PHYHD1: variants seen among roughly 807,000 people sequenced by gnomAD.
PHYHD1 encodes phytanoyl-CoA dioxygenase domain containing 1.
PHYHD1 carries 42 observed loss-of-function variants against 43.6 expected under a neutral mutation model. That is an observed-to-expected ratio of 0.96 (90% confidence interval 0.75 to 1.25). The LOEUF (loss-of-function observed/expected upper bound fraction) is 1.25. Ranked by LOEUF, PHYHD1 falls within the 50% of genes most tolerant of loss-of-function variation. PHYHD1 has a pLI of 0.00. For missense variants in PHYHD1, 342 were observed against 370.8 expected (o/e 0.92, Z 0.64); for synonymous variants, 139 against 143.6 (o/e 0.97, Z 0.23).
chr9:128,922,277 C>T lies in PHYHD1; in HGVS notation c.-41-6C>T, dbSNP rs530612597. ...CCAGGCTCCTAAACTTTCTCCTCCCCACCAGGAGGCCGCGCTTAGAAGCCG... is the reference window on the plus strand; with the variant it reads ...CCAGGCTCCTAAACTTTCTCCTCCCTACCAGGAGGCCGCGCTTAGAAGCCG... On this transcript the variant is annotated splice_region_variant and splice_polypyrimidine_tract_variant and intron_variant, in intron 2 of 12. Transcript: ENST00000372592. 219 of 1,549,228 alleles carry T rather than the reference C, an allele frequency of 1.4e-4. 2 individuals are homozygous for T. The African/African-American group carries it at 1.7e-3, about 12-fold the overall frequency.
At position 128,922,060 on chromosome 9, in the gene PHYHD1, G is replaced by A. The variant is rs985253301; in HGVS notation, c.-42+13G>A. 55 of 507,402 alleles carry A rather than the reference G, an allele frequency of 1.1e-4. No individual in the cohort carries two copies. Among genetic ancestry groups the A allele is most frequent in the African/African-American group, 9.7e-4 (49 of 50,636 alleles). The allele number at this position is 507,402 out of a possible 1,614,324, so 31.4% of individuals were successfully genotyped here. ...TTCCCGGCACCTGGTAAGCAGTGGT[G>A]GGGGGTGGTTTCCAGAAGAAACACA... On this transcript the variant is annotated intron_variant, in intron 2 of 12. Coordinates refer to ENST00000372592, the MANE Select transcript of PHYHD1 (RefSeq NM_001100876.2).
chr9:128,937,859 A>G (rs1025668902), intron 9 of PHYHD1, 81 bp downstream of exon 9: 16 of 1,607,942 alleles, frequency 1.0e-5, no homozygotes, highest in Non-Finnish European at 1.4e-5. Context: ...CTTCAGAAGG[A>G]GGGAAAGCGC....
At chr9:128,924,161 A>C (rs573895019) in intron 3 of PHYHD1, among the ~76,000 whole-genome samples, 59 of 152,262 alleles carry the variant, frequency 3.9e-4, no homozygotes, top group African/African-American at 1.4e-3. Flanking sequence ...TCATGCCTGT[A>C]ATCCTAGCAC....
At chr9:128,937,852 CAGA>C in intron 9 of PHYHD1, 74 bp downstream of exon 9, 1 of 1,610,946 alleles carries the variant, frequency 6.2e-7, no homozygotes, top group Non-Finnish European at 8.5e-7. Flanking sequence ...CTCAGATCTT[CAGA>C]AGGAGGGAAA....
chr9:128,934,977 C>G (rs1841390513), intron 6 of PHYHD1, among the ~76,000 whole-genome samples: 1 of 152,084 alleles, frequency 6.6e-6, no homozygotes, highest in African/African-American at 2.4e-5. Flanking sequence ...GGGGGAGCTC[C>G]TGGGTCCAGT....
intron 4 of PHYHD1, 132 bp from the exon 5 acceptor site, chr9:128,933,650 C>G (rs1486563643): frequency 1.1e-6 from 1 of 943,002 alleles, no homozygotes; most frequent in Non-Finnish European, 1.7e-6. Context: ...CCTCAGTGGA[C>G]AAGTCTGAGA....
At chr9:128,929,504 C>A (rs1564539567) in intron 4 of PHYHD1, among the ~76,000 whole-genome samples, 1 of 150,806 alleles carries the variant, frequency 6.6e-6, no homozygotes, top group South Asian at 2.1e-4. Context: ...GAAACCCGGT[C>A]TCTACCAAAA....
intron 3 of PHYHD1, among the ~76,000 whole-genome samples, chr9:128,923,980 G>T (rs533733861): frequency 5.3e-4 from 80 of 152,176 alleles, no homozygotes; most frequent in Non-Finnish European, 1.1e-3. Context: ...TTAGCTGGGC[G>T]TGGTGGCGCA....
At chr9:128,938,612 G>A (rs1373523831) in intron 9 of PHYHD1, among the ~76,000 whole-genome samples, 2 of 151,516 alleles carry the variant, frequency 1.3e-5, no homozygotes, top group Non-Finnish European at 2.9e-5. Context: ...TAGTAGAGAC[G>A]GGGTTCCACC....
At chr9:128,927,705 C>T (rs1841172389) in intron 4 of PHYHD1, among the ~76,000 whole-genome samples, 1 of 152,224 alleles carries the variant, frequency 6.6e-6, no homozygotes, top group African/African-American at 2.4e-5. Context: ...GTTCAGATCA[C>T]TTGCCCCAAG....
chr9:128,937,879 T>C, intron 9 of PHYHD1, 101 bp downstream of exon 9: 1 of 1,593,254 alleles, frequency 6.3e-7, no homozygotes, highest in Non-Finnish European at 8.5e-7. Context: ...CTTGCTCCTG[T>C]CTGTTGTAGG....
chr9:128,934,956 C>T (rs1460318349), intron 6 of PHYHD1, among the ~76,000 whole-genome samples: 1 of 152,130 alleles, frequency 6.6e-6, no homozygotes, highest in Non-Finnish European at 1.5e-5. Context: ...AGGCTCTCTA[C>T]TGCCTGGCCT....
rs779002707 is a variant in PHYHD1, at chr9:128,927,213, C to CA, written c.192+18dup. On this transcript the variant is annotated intron_variant, in intron 4 of 12. Coordinates refer to ENST00000372592, the MANE Select transcript of PHYHD1 (RefSeq NM_001100876.2). ...CGAGCCCAGGTAGGTGTCTGGGGCA[C>CA]ATGAGGATGGGATGTGGCTTTTGAG... The CA allele has an allele frequency of 6.2e-7, 1 of 1,613,156 alleles. No individual in the cohort carries two copies.
chr9:128,931,023 G>A (rs1841263367), intron 4 of PHYHD1, among the ~76,000 whole-genome samples: 1 of 151,872 alleles, frequency 6.6e-6, no homozygotes, highest in African/African-American at 2.4e-5. Context: ...ACCTCTCTGG[G>A]TTTTGGGAGG....
rs189784014 is a variant in PHYHD1 at position 128,921,651 on chromosome 9, A to C, written c.-177A>C. ...TGTGCCAGCCCGACTTGAGATGCCA[A>C]GTATCTTGGGCCTGAGGGTGGGTAA... is the stretch of plus-strand genomic sequence containing the variant. On this transcript the variant is annotated 5_prime_UTR_variant, in exon 1 of 13. Coordinates refer to ENST00000372592, the MANE Select transcript of PHYHD1 (RefSeq NM_001100876.2). 467 of 152,426 alleles carry C rather than the reference A, an allele frequency of 3.1e-3. 1 individual carries two copies. Among genetic ancestry groups the C allele is most frequent in the Non-Finnish European group, 5.1e-3 (349 of 68,122 alleles). The allele number at this position is 152,426 out of a possible 1,614,324, so 9.4% of individuals were successfully genotyped here. A position where few individuals can be genotyped will look rare whatever the true frequency, so the allele number is the denominator to read the frequency against.
Position 128,940,601 on chromosome 9 carries a change from G to C in PHYHD1, c.589G>C (p.Gly197Arg). Reference sequence around the variant, plus strand: ...AGGCTCTCCATCTTGGCCTGCAGGTGGTGTGTCAAGAAGGATGGTCCGGGC... The same window carrying C: ...AGGCTCTCCATCTTGGCCTGCAGGTCGTGTGTCAAGAAGGATGGTCCGGGC... ...LWFIPGSHTS[G>R]VSRRMVRAPV... Residue 197 changes from glycine to arginine, a missense_variant and splice_region_variant, in exon 11 of 13, where the codon GGT becomes CGT. Coordinates refer to ENST00000372592, the MANE Select transcript of PHYHD1 (RefSeq NM_001100876.2). The C allele has an allele frequency of 6.2e-7, 1 of 1,614,138 alleles. No individual in the cohort carries two copies. The highest frequency in any genetic ancestry group is 1.1e-5 in the South Asian group (1 of 91,080).
chr9:128,940,930 T>G (rs536916472), intron 11 of PHYHD1, among the ~76,000 whole-genome samples: 1 of 152,334 alleles, frequency 6.6e-6, no homozygotes, highest in Non-Finnish European at 1.5e-5. Context: ...ACTCTGCTAC[T>G]TATGGGCTGT....
At chr9:128,927,254 C>T (rs756007520) in intron 4 of PHYHD1, 58 bp downstream of exon 4, 72 of 1,598,620 alleles carry the variant, frequency 4.5e-5, no homozygotes, top group Admixed American at 3.0e-4. Flanking sequence ...GCTTGGTCCC[C>T]GGCCAGAGCA....
rs1425973495 is a variant in PHYHD1, at chr9:128,922,333, C to A, written c.10C>A (p.Leu4Met). Reference sequence around the variant, plus strand: ...TGCCCTGAGCGTCTCCATGGCCTGCCTGAGCCCCTCGCAGCTCCAGAAGGT... The same window carrying A: ...TGCCCTGAGCGTCTCCATGGCCTGCATGAGCCCCTCGCAGCTCCAGAAGGT... MAC[L>M]SPSQLQKFQQ... Residue 4 changes from leucine to methionine, a missense_variant, in exon 3 of 13, where the codon CTG (leucine) becomes ATG (methionine). Leu to Met is a conservative substitution (Grantham distance 15). Transcript: ENST00000372592. 1 of 1,550,830 alleles carries A rather than the reference C, an allele frequency of 6.4e-7. No individual in the cohort carries two copies. The highest frequency in any genetic ancestry group is 1.4e-5 in the African/African-American group (1 of 73,152).
Sources: gnomAD v4.1 joint callset for allele counts (sites outside exome capture counted in the v4.1 genomes callset) on GRCh38, gnomAD v4.1.1 for gene constraint, MANE v1.5 for transcripts, NCBI Gene and HGNC (gene_info 2026-07-23, HGNC 2026-07-21) for gene names.